Variants in BCAT1 observed in about 807,000 individuals in gnomAD.
The protein encoded by BCAT1 is branched chain amino acid transaminase 1.
Under a neutral mutation model 52.4 loss-of-function variants are expected in BCAT1, and 48 were observed. That is an observed-to-expected ratio of 0.92 (90% CI 0.73 to 1.16). The LOEUF (loss-of-function observed/expected upper bound fraction) is 1.16, where lower values mean the gene tolerates loss of function less well. Ranked by LOEUF, BCAT1 falls within the 50% of genes most tolerant of loss-of-function variation. The probability of loss-of-function intolerance (pLI) is 0.00; values close to 1 mark genes in which losing one functional copy is unlikely to be tolerated. For missense variants in BCAT1, 451 were observed against 457.1 expected (o/e 0.99, Z 0.12); for synonymous variants, 167 against 161.3 (o/e 1.04, Z -0.27).
chr12:24,811,411 T>C lies in BCAT1; in HGVS notation c.*6597A>G, dbSNP rs991695027. The C allele has an allele frequency of 1.3e-5, 2 of 152,174 alleles. No homozygotes were observed. The highest frequency in any genetic ancestry group is 2.9e-5 in the Non-Finnish European group (2 of 68,012). The allele number at this position is 152,174 out of a possible 1,614,324, so 9.4% of individuals were successfully genotyped here. ...AACAGAAACTGTGCATAATTACAGA[T>C]TTGATGAGGAATCTGCAAATAATAA... On this transcript the variant is annotated 3_prime_UTR_variant, in exon 11 of 11. Transcript: ENST00000261192.
intron 6 of BCAT1, among the ~76,000 whole-genome samples, chr12:24,842,503 G>C (rs1215027065): frequency 1.3e-5 from 2 of 152,142 alleles, no homozygotes; most frequent in African/African-American, 4.8e-5. Flanking sequence ...AAATAGCCAA[G>C]TTAATGAGAA....
chr12:24,819,159 A>G (rs1052792818), intron 10 of BCAT1, among the ~76,000 whole-genome samples: 3 of 152,052 alleles, frequency 2.0e-5, no homozygotes, highest in African/African-American at 7.2e-5. Flanking sequence ...GTTCTTGACC[A>G]CCACCAAGAC....
chr12:24,941,766 T>C (rs949937425), intron 1 of BCAT1, among the ~76,000 whole-genome samples: 18 of 152,230 alleles, frequency 1.2e-4, no homozygotes, highest in Admixed American at 8.5e-4. Context: ...AATCTATGCA[T>C]ACCTTCCCAC....
chr12:24,837,021 A>G (rs1940992926), intron 7 of BCAT1, among the ~76,000 whole-genome samples: 1 of 136,820 alleles, frequency 7.3e-6, no homozygotes, highest in African/African-American at 2.7e-5. Flanking sequence ...AAGAAAGAAA[A>G]AAGAAAGAAA....
intron 3 of BCAT1, among the ~76,000 whole-genome samples, chr12:24,891,432 G>A (rs773940307): frequency 6.6e-6 from 1 of 152,072 alleles, no homozygotes; most frequent in Non-Finnish European, 1.5e-5. Context: ...ACCGTGTGAC[G>A]GACCCCAAGC....
At chr12:24,837,676 T>G (rs7955672) in intron 7 of BCAT1, among the ~76,000 whole-genome samples, 1 of 151,662 alleles carries the variant, frequency 6.6e-6, no homozygotes, top group East Asian at 2.0e-4. Context: ...ATCTGCCCAC[T>G]TCGGCCTCCC....
intron 6 of BCAT1, among the ~76,000 whole-genome samples, chr12:24,845,132 C>T (rs535926906): frequency 1.1e-4 from 17 of 150,870 alleles, no homozygotes; most frequent in African/African-American, 2.9e-4. Flanking sequence ...GAGCACCACT[C>T]ACACCAGGGA....
chr12:24,885,496 T>C (rs553358012), intron 3 of BCAT1, among the ~76,000 whole-genome samples: 1 of 152,118 alleles, frequency 6.6e-6, no homozygotes, highest in African/African-American at 2.4e-5. Context: ...TTAAAAAAAA[T>C]CACATTAGGG....
In BCAT1 at chr12:24,900,160, C is replaced by T. The variant is rs1045698426; in HGVS notation, c.78+1654G>A. On this transcript the variant is annotated intron_variant, in intron 2 of 10. Transcript: ENST00000261192. ...CCCTAAATTATCAATATCATTTTTA[C>T]ACATGCCTTATTACATATGTGCTGT... Among the ~76,000 whole-genome samples, 5 of 152,258 alleles carry T rather than the reference C, an allele frequency of 3.3e-5. No homozygotes were observed. In the South Asian group the frequency reaches 6.2e-4, roughly 19 times the overall value.
chr12:24,837,128 GGGGGGAGGGAAGGAAGGA>G lies in BCAT1; in HGVS notation c.818-550_818-533del, dbSNP rs1941008217. On this transcript the variant is annotated intron_variant, in intron 7 of 10. Coordinates refer to ENST00000261192, the MANE Select transcript of BCAT1 (RefSeq NM_005504.7). ...GGAAGAAAGAGAAGGAAGGGAGGAAGGGGGGAGGGAAGGAAGGAAAGTTATCTAATCATCTTCAGTTTA... is the reference window on the plus strand; with the variant it reads ...GGAAGAAAGAGAAGGAAGGGAGGAAGAAGTTATCTAATCATCTTCAGTTTA... Among the ~76,000 whole-genome samples, 4 of 131,188 alleles carry G rather than the reference GGGGGGAGGGAAGGAAGGA, an allele frequency of 3.0e-5. 1 individual carries two copies. The highest frequency in any genetic ancestry group is 1.7e-5 in the Non-Finnish European group (1 of 58,072). 86.1% of individuals were successfully genotyped at this position (131,188 alleles called of 152,430 possible). A position where few individuals can be genotyped will look rare whatever the true frequency, so the allele number is the denominator to read the frequency against.
chr12:24,826,384 T>C (rs893219128), intron 10 of BCAT1, among the ~76,000 whole-genome samples: 6 of 152,222 alleles, frequency 3.9e-5, no homozygotes, highest in African/African-American at 1.4e-4. Flanking sequence ...CACCATTTAT[T>C]GAAAAGACTG....
intron 5 of BCAT1, among the ~76,000 whole-genome samples, chr12:24,866,099 G>A (rs1941997855): frequency 6.6e-6 from 1 of 152,232 alleles, no homozygotes; most frequent in Non-Finnish European, 1.5e-5. Context: ...CGGGAACCCG[G>A]GCTGCGCATG....
intron 1 of BCAT1, chr12:24,902,992 G>A: frequency 6.8e-7 from 1 of 1,467,388 alleles, no homozygotes; most frequent in Non-Finnish European, 9.0e-7. Context: ...TGGCCATGGG[G>A]AGGCTGCGGG....
chr12:24,846,698 T>G (rs1033042915), intron 6 of BCAT1, among the ~76,000 whole-genome samples: 6 of 152,216 alleles, frequency 3.9e-5, no homozygotes, highest in African/African-American at 1.4e-4. Context: ...CTCTAAAATC[T>G]AAAACTTTTT....
chr12:24,814,503 T>C lies in BCAT1; in HGVS notation c.*3505A>G, dbSNP rs1243128068. On this transcript the variant is annotated 3_prime_UTR_variant, in exon 11 of 11. Coordinates refer to ENST00000261192, the MANE Select transcript of BCAT1 (RefSeq NM_005504.7). ...GAGCTTATTTTGGCAGCTGCTTTCA[T>C]AGCACAATTCCCCAAAAGCAGAACT... The C allele has an allele frequency of 1.3e-5, 2 of 151,712 alleles. No homozygotes were observed. The highest frequency in any genetic ancestry group is 4.8e-5 in the African/African-American group (2 of 41,336). 9.4% of individuals were successfully genotyped at this position (151,712 alleles called of 1,614,324 possible). A position where few individuals can be genotyped will look rare whatever the true frequency, so the allele number is the denominator to read the frequency against.
chr12:24,892,522 C>T (rs1004792459), intron 3 of BCAT1, among the ~76,000 whole-genome samples: 1 of 152,122 alleles, frequency 6.6e-6, no homozygotes, highest in Non-Finnish European at 1.5e-5. Flanking sequence ...GTTTGAGAAC[C>T]AGTGACCTGG....
Position 24,818,011 on chromosome 12 carries a change from G to A in BCAT1, c.1158C>T (p.Ser386=), listed in dbSNP as rs1939947667. ...REESDWTIVL[S] is the part of the protein sequence containing the mutation. The stretch of plus-strand genomic sequence containing the variant: ...CATTGTATCCTCTATTTTCCATTCA[G>A]GATAGCACAATTGTCCAGTCGCTCT... The change falls in exon 11 of 11, where the codon TCC becomes TCT. Residue 386 remains serine (S), a synonymous_variant. Coordinates refer to ENST00000261192, the MANE Select transcript of BCAT1 (RefSeq NM_005504.7). 1.2e-6 allele frequency: 2 copies of A among 1,612,844 alleles called. No individual in the cohort carries two copies. The highest frequency in any genetic ancestry group is 1.7e-6 in the Non-Finnish European group (2 of 1,179,324).
chr12:24,928,805 AG>A (rs1943635292), intron 1 of BCAT1, among the ~76,000 whole-genome samples: 1 of 151,872 alleles, frequency 6.6e-6, no homozygotes, highest in South Asian at 2.1e-4. Context: ...GTGCAATCTC[AG>A]CTCACCACAA....
At chr12:24,902,009 G>A (rs187827404) in intron 1 of BCAT1, 124 bp from the exon 2 acceptor site, 21,845 of 1,588,864 alleles carry the variant, frequency 0.014, 177 homozygotes, top group Non-Finnish European at 0.016. Context: ...ACACAAAAAA[G>A]GAGGCTCAGA....
Sources: allele counts gnomAD v4.1 joint callset (sites outside exome capture counted in the v4.1 genomes callset), GRCh38; gene constraint gnomAD v4.1.1; transcripts MANE v1.5; gene names NCBI Gene and HGNC (gene_info 2026-07-23, HGNC 2026-07-21).